The following RAB28 variants were observed in gnomAD, a reference collection of about 807,000 sequenced individuals.
The protein encoded by RAB28 is ras-related protein Rab-28.
A neutral mutation model predicts 31.7 loss-of-function variants in RAB28; 24 were observed. The ratio of observed to expected loss-of-function variants is 0.76; its 90% CI spans 0.55 to 1.06. The LOEUF (loss-of-function observed/expected upper bound fraction) is 1.06. RAB28 is among the 50% of genes least tolerant of loss of function. The probability of loss-of-function intolerance (pLI) is 0.00; values close to 1 mark genes in which losing one functional copy is unlikely to be tolerated. For missense variants in RAB28, 254 were observed against 258.5 expected (o/e 0.98, Z 0.12); for synonymous variants, 100 against 90.4 (o/e 1.11, Z -0.60).
intron 4 of RAB28, among the ~76,000 whole-genome samples, chr4:13,446,760 G>A (rs1033861331): frequency 7.2e-5 from 11 of 152,026 alleles, no homozygotes; most frequent in African/African-American, 2.7e-4. Flanking sequence ...TGTTCCTCTC[G>A]CTGGGAGCTG....
intron 2 of RAB28, among the ~76,000 whole-genome samples, chr4:13,476,096 A>G (rs1012107966): frequency 1.3e-5 from 2 of 151,536 alleles, no homozygotes; most frequent in Admixed American, 6.6e-5. Flanking sequence ...CTCAGAGCCA[A>G]TGGTCCTTAT....
At position 13,368,083 on chromosome 4, in the gene RAB28, A is replaced by G; in HGVS notation, c.*475T>C. On this transcript the variant is annotated 3_prime_UTR_variant, in exon 7 of 7. Coordinates refer to ENST00000330852, the MANE Select transcript of RAB28 (RefSeq NM_001017979.3). ...TTATATACTTTTACTCACGATAGCG[A>G]AAGAATGTCTTCATAAGTATCTGTA... 1.0e-6 allele frequency: 1 copy of G among 979,856 alleles called. No individual in the cohort carries two copies. The highest frequency in any genetic ancestry group is 1.2e-6 in the Non-Finnish European group (1 of 824,864). 60.7% of individuals were successfully genotyped at this position (979,856 alleles called of 1,614,324 possible). A position where few individuals can be genotyped will look rare whatever the true frequency, so the allele number is the denominator to read the frequency against.
chr4:13,476,572 A>C (rs1445563855), intron 2 of RAB28, among the ~76,000 whole-genome samples: 1 of 151,692 alleles, frequency 6.6e-6, no homozygotes, highest in East Asian at 1.9e-4. Flanking sequence ...AAAACTAAAA[A>C]TAAAATGTGG....
At chr4:13,420,692 G>A (rs371707596) in intron 4 of RAB28, among the ~76,000 whole-genome samples, 35 of 152,270 alleles carry the variant, frequency 2.3e-4, no homozygotes, top group African/African-American at 7.9e-4. Flanking sequence ...AAAAGGCCTT[G>A]ACAGAATTCA....
intron 4 of RAB28, among the ~76,000 whole-genome samples, chr4:13,407,613 C>T (rs115493362): frequency 0.017 from 2,614 of 152,248 alleles, 43 homozygotes; most frequent in Middle Eastern, 0.031. Flanking sequence ...TGGCCACTTT[C>T]GCGATATTGA....
At chr4:13,482,018 G>A (rs1405517732) in intron 1 of RAB28, among the ~76,000 whole-genome samples, 1 of 152,110 alleles carries the variant, frequency 6.6e-6, no homozygotes, top group Non-Finnish European at 1.5e-5. Flanking sequence ...AAGGTTAGGT[G>A]TCAGATGTTT....
intron 4 of RAB28, among the ~76,000 whole-genome samples, chr4:13,460,381 C>T (rs575473278): frequency 1.3e-5 from 2 of 152,270 alleles, no homozygotes; most frequent in Admixed American, 1.3e-4. Context: ...TAATCCCATT[C>T]TCTTTTTTAA....
chr4:13,475,159 T>A (rs900502367), intron 2 of RAB28, among the ~76,000 whole-genome samples: 1 of 151,612 alleles, frequency 6.6e-6, no homozygotes, highest in Non-Finnish European at 1.5e-5. Context: ...CATACAAGCA[T>A]TGTAAAAGCA....
chr4:13,369,863 C>T (rs773330131), intron 6 of RAB28: 3 of 1,603,212 alleles, frequency 1.9e-6, no homozygotes, highest in Non-Finnish European at 1.7e-6. Flanking sequence ...TAATTTATCA[C>T]TTAATACCTG....
chr4:13,453,122 A>G (rs1715065929), intron 4 of RAB28, among the ~76,000 whole-genome samples: 1 of 152,010 alleles, frequency 6.6e-6, no homozygotes, highest in African/African-American at 2.4e-5. Context: ...TTTGTATAGA[A>G]TATCTTTTTC....
Position 13,383,439 on chromosome 4 carries a change from TA to T in RAB28, c.392-1846del, listed in dbSNP as rs570115642. ...AAACAAAAGTTTTTTTCCTAACAAA[TA>T]TAACCATGGAAAGACTAGTAGTACC... On this transcript the variant is annotated intron_variant, in intron 4 of 6. Coordinates refer to ENST00000330852, the MANE Select transcript of RAB28 (RefSeq NM_001017979.3). Among the ~76,000 whole-genome samples the T allele has an allele frequency of 2.4e-4, 36 of 152,108 alleles. No individual in the cohort carries two copies. The South Asian group carries it at 7.5e-3, about 32-fold the overall frequency.
chr4:13,440,452 A>G (rs910190682), intron 4 of RAB28, among the ~76,000 whole-genome samples: 20 of 152,128 alleles, frequency 1.3e-4, no homozygotes, highest in African/African-American at 4.8e-4. Flanking sequence ...TATTTAAATA[A>G]TTTAAGTAAT....
intron 3 of RAB28, among the ~76,000 whole-genome samples, chr4:13,469,274 C>T (rs936286253): frequency 2.6e-5 from 4 of 152,032 alleles, no homozygotes; most frequent in African/African-American, 9.7e-5. Flanking sequence ...CTAAATCCAT[C>T]ACCATGTCTC....
At chr4:13,412,494 A>C (rs920756287) in intron 4 of RAB28, among the ~76,000 whole-genome samples, 1 of 152,128 alleles carries the variant, frequency 6.6e-6, no homozygotes, top group African/African-American at 2.4e-5. Context: ...TTAACCTAGA[A>C]CATGGCCTTG....
chr4:13,431,320 A>T (rs1463025463), intron 4 of RAB28, among the ~76,000 whole-genome samples: 1 of 152,162 alleles, frequency 6.6e-6, no homozygotes, highest in East Asian at 1.9e-4. Context: ...TAAAGAAGCA[A>T]ATCACATTCC....
intron 2 of RAB28, among the ~76,000 whole-genome samples, chr4:13,477,156 C>A (rs1328866774): frequency 7.3e-5 from 11 of 151,592 alleles, no homozygotes; most frequent in Admixed American, 7.2e-4. Context: ...GCTCTATCAG[C>A]AGAATCTCTG....
intron 4 of RAB28, among the ~76,000 whole-genome samples, chr4:13,392,273 A>T (rs9998914): frequency 0.052 from 7,971 of 152,240 alleles, 418 homozygotes; most frequent in African/African-American, 0.14. Flanking sequence ...TAACAGGAAG[A>T]TTATGATATT....
At chr4:13,448,321 A>T (rs150394872) in intron 4 of RAB28, among the ~76,000 whole-genome samples, 59 of 152,260 alleles carry the variant, frequency 3.9e-4, no homozygotes, top group Non-Finnish European at 7.5e-4. Flanking sequence ...TCATCCTAAA[A>T]GAAAACAAAT....
chr4:13,473,857 C>G (rs1451604010), intron 3 of RAB28: 6 of 367,946 alleles, frequency 1.6e-5, no homozygotes, highest in Non-Finnish European at 3.2e-5. Flanking sequence ...ATAGAAAATA[C>G]AGACATGTCT....
Sources: allele counts gnomAD v4.1 joint callset (sites outside exome capture counted in the v4.1 genomes callset), GRCh38; gene constraint gnomAD v4.1.1; transcripts MANE v1.5; gene names NCBI Gene and HGNC (gene_info 2026-07-23, HGNC 2026-07-21).